Variants in MKRN1 observed in about 807,000 individuals in gnomAD.
MKRN1 encodes the protein makorin ring finger protein 1.
MKRN1 carries 9 observed loss-of-function variants against 55.5 expected under a neutral mutation model. The observed-to-expected ratio is 0.16, with a 90% CI of 0.10 to 0.28. MKRN1 has a LOEUF of 0.28. Among genes scored for constraint, MKRN1 ranks in the 10% least tolerant of loss-of-function variants. The pLI is 1.00. For synonymous variants in MKRN1, 253 were observed against 235.9 expected, an observed-to-expected ratio of 1.07 and a Z score of -0.66; for missense variants, 488 against 626.7, an observed-to-expected ratio of 0.78 and a Z score of 2.36.
intron 5 of MKRN1, chr7:140,456,155 AAAAC>A: frequency 8.3e-7 from 1 of 1,206,424 alleles, no homozygotes; most frequent in Non-Finnish European, 1.0e-6. Flanking sequence ...GTAAAAAACA[AAAAC>A]AAAAGAAGAC....
In MKRN1 at chr7:140,459,916, A is replaced by T; in HGVS notation, c.335T>A (p.Leu112Ter). 1 of 1,613,852 alleles carries T rather than the reference A, an allele frequency of 6.2e-7. No individual in the cohort carries two copies. ...DRCRYEHSKP[L>*]KQEEATATEL... ...TGTAGCAGTTGCTTCTTCCTGTTTCAATGGTTTGCTATGTTCATATCTAAG... is the reference window on the plus strand; with the variant it reads ...TGTAGCAGTTGCTTCTTCCTGTTTCTATGGTTTGCTATGTTCATATCTAAG... The change falls in exon 3 of 8, where the codon TTG (leucine) becomes TAG (stop). Residue 112 changes from leucine (L) to a stop codon, truncating the protein, a stop_gained. Transcript: ENST00000255977. LOFTEE classifies it high-confidence loss of function.
chr7:140,463,753 C>T (rs892205436), intron 2 of MKRN1, among the ~76,000 whole-genome samples: 2 of 151,948 alleles, frequency 1.3e-5, no homozygotes, highest in East Asian at 1.9e-4. Context: ...GGCGTGGTGG[C>T]AGGCGCCTGT....
rs146712871 is a variant in MKRN1, at chr7:140,469,347, G to C, written c.314+2536C>G. Among the ~76,000 whole-genome samples, 584 of 151,720 alleles carry C rather than the reference G, an allele frequency of 3.8e-3. 3 individuals are homozygous for C. The highest frequency in any genetic ancestry group is 0.014 in the African/African-American group (562 of 41,426). On this transcript the variant is annotated intron_variant, in intron 2 of 7. Coordinates refer to ENST00000255977, the MANE Select transcript of MKRN1 (RefSeq NM_013446.4). ...TCAAAAAAAAAAAAAAATTTACTAT[G>C]ACACTGTCAAAAGTCTTACCGAGGG...
chr7:140,478,930 C>A (rs184547380), intron 1 of MKRN1: 11,763 of 402,354 alleles, frequency 0.029, 1,230 homozygotes, highest in African/African-American at 0.22. Context: ...CGCGCACCGC[C>A]AGGCCTCCGC....
rs1169804660 is a variant in MKRN1 at position 140,454,960 on chromosome 7, T to G, written c.1236+135A>C. On this transcript the variant is annotated intron_variant, in intron 7 of 7. Transcript: ENST00000255977. ...CTATCCCTCCCAGTTTTCTGAGGTT[T>G]GTTTCCTCCTTTAATACTCTACACT... The G allele has an allele frequency of 4.0e-5, 52 of 1,304,076 alleles. 1 individual carries two copies. The South Asian group carries it at 7.2e-4, about 18-fold the overall frequency. The allele number at this position is 1,304,076 out of a possible 1,614,324, so 80.8% of individuals were successfully genotyped here.
intron 1 of MKRN1, among the ~76,000 whole-genome samples, chr7:140,476,325 G>C (rs1795114985): frequency 6.6e-6 from 1 of 151,858 alleles, no homozygotes; most frequent in Non-Finnish European, 1.5e-5. Context: ...GGTAGTTCCA[G>C]AAAAAATATA....
chr7:140,459,377 G>T (rs1794554450), intron 3 of MKRN1, 144 bp from the exon 4 acceptor site: 2 of 872,786 alleles, frequency 2.3e-6, no homozygotes, highest in Non-Finnish European at 3.4e-6. Context: ...TCACTTGAAA[G>T]AAAGGAATTT....
chr7:140,454,585 T>C lies in MKRN1; in HGVS notation c.1381A>G (p.Thr461Ala), dbSNP rs779688673. The C allele has an allele frequency of 3.1e-6, 5 of 1,613,776 alleles. No individual in the cohort carries two copies. The Admixed American group carries it at 8.3e-5, about 27-fold the overall frequency. The change falls in exon 8 of 8, where the codon ACA becomes GCA. Residue 461 changes from threonine to alanine, a missense_variant. By Grantham distance (58) the Thr-to-Ala change is moderately conservative. Around this residue, in one of 2 missense-constraint regions of MKRN1, gnomAD observed 278 missense variants for 406.7 expected, o/e 0.68. Coordinates refer to ENST00000255977, the MANE Select transcript of MKRN1 (RefSeq NM_013446.4). ...LLAAGGDDELTDSEDEWDLFH... is the reference protein window; with the variant it reads ...LLAAGGDDELADSEDEWDLFH... Reference sequence around the variant, plus strand: ...AAGTCCCACTCATCTTCAGAGTCTGTTAGTTCGTCGTCCCCACCTGCAGCC... The same window carrying C: ...AAGTCCCACTCATCTTCAGAGTCTGCTAGTTCGTCGTCCCCACCTGCAGCC...
At chr7:140,472,706 C>A (rs1794969442) in intron 1 of MKRN1, among the ~76,000 whole-genome samples, 1 of 151,462 alleles carries the variant, frequency 6.6e-6, no homozygotes, top group Admixed American at 6.6e-5. Flanking sequence ...TGCATTGTTA[C>A]AACGAACTAT....
At chr7:140,474,099 C>T (rs1294340220) in intron 1 of MKRN1, among the ~76,000 whole-genome samples, 1 of 150,346 alleles carries the variant, frequency 6.7e-6, no homozygotes, top group African/African-American at 2.5e-5. Context: ...CGGTGGCTCA[C>T]ACCTACAATC....
At position 140,479,118 on chromosome 7, in the gene MKRN1, GC is replaced by G; in HGVS notation, c.185+41del. 5 of 1,293,570 alleles carry G rather than the reference GC, an allele frequency of 3.9e-6. No individual in the cohort carries two copies. In the South Asian group the frequency reaches 1.0e-4, roughly 26 times the overall value. The allele number at this position is 1,293,570 out of a possible 1,614,324, so 80.1% of individuals were successfully genotyped here. A position where few individuals can be genotyped will look rare whatever the true frequency, so the allele number is the denominator to read the frequency against. On this transcript the variant is annotated intron_variant, in intron 1 of 7. Transcript: ENST00000255977. ...TCCCGCGCCGCAGGCTTGGCCCGCG[GC>G]CCCCTCCCCGCGCCCGGCGCTCCGC... is the stretch of plus-strand genomic sequence containing the variant.
chr7:140,470,659 T>C (rs1794898335), intron 2 of MKRN1, among the ~76,000 whole-genome samples: 1 of 151,592 alleles, frequency 6.6e-6, no homozygotes, highest in Admixed American at 6.6e-5. Context: ...CTCACACCTG[T>C]AATCCCAGCA....
intron 5 of MKRN1, 100 bp from the exon 6 acceptor site, chr7:140,456,000 C>A (rs17621014): frequency 7.8e-6 from 9 of 1,147,732 alleles, no homozygotes; most frequent in Non-Finnish European, 1.0e-5. Flanking sequence ...AAAGACTTAA[C>A]TGAAAGGCAC....
At chr7:140,472,461 A>G (rs913484538) in intron 1 of MKRN1, 1 of 159,216 alleles carries the variant, frequency 6.3e-6, no homozygotes, top group Non-Finnish European at 1.4e-5. Flanking sequence ...GAAGGTGATA[A>G]GAAAACAGGA....
intron 1 of MKRN1, among the ~76,000 whole-genome samples, chr7:140,477,969 A>G (rs1795175428): frequency 6.6e-6 from 1 of 152,228 alleles, no homozygotes; most frequent in South Asian, 2.1e-4. Flanking sequence ...TCTACATCCC[A>G]TTATGTAAAA....
intron 1 of MKRN1, among the ~76,000 whole-genome samples, chr7:140,477,117 AT>A (rs202132256): frequency 4.4e-4 from 66 of 151,202 alleles, no homozygotes; most frequent in South Asian, 1.5e-3. Flanking sequence ...AAAAAAAAAA[AT>A]GATAGTTGAC....
At chr7:140,459,310 A>G in intron 3 of MKRN1, 77 bp from the exon 4 acceptor site, 1 of 1,411,278 alleles carries the variant, frequency 7.1e-7, no homozygotes, top group Non-Finnish European at 9.9e-7. Context: ...ATCTAACCGC[A>G]AAAAATGAAA....
In MKRN1 at chr7:140,458,992, T is replaced by A; in HGVS notation, c.771+15A>T. The stretch of plus-strand genomic sequence containing the variant: ...TCTCACATCTAATAACACACACATC[T>A]CCCTAAAGACTTACTTTGATATGCT... On this transcript the variant is annotated intron_variant, in intron 4 of 7. Transcript: ENST00000255977. 1.2e-6 allele frequency: 2 copies of A among 1,611,668 alleles called. No individual in the cohort carries two copies. The highest frequency in any genetic ancestry group is 1.7e-6 in the Non-Finnish European group (2 of 1,177,908).
At chr7:140,466,789 C>T (rs1468222699) in intron 2 of MKRN1, among the ~76,000 whole-genome samples, 6 of 132,454 alleles carry the variant, frequency 4.5e-5, no homozygotes, top group African/African-American at 1.5e-4. Flanking sequence ...CCGGCCTGGG[C>T]GACAGAGCGA....
Sources: gnomAD v4.1 joint callset for allele counts (sites outside exome capture counted in the v4.1 genomes callset) on GRCh38, gnomAD v4.1.1 for gene constraint, gnomAD v4.1.1 regional missense constraint, MANE v1.5 for transcripts, NCBI Gene and HGNC (gene_info 2026-07-23, HGNC 2026-07-21) for gene names.